PRKACB: variants seen among roughly 807,000 people sequenced by gnomAD.
The protein encoded by PRKACB is protein kinase cAMP-activated catalytic subunit beta, also known as cAMP-dependent protein kinase catalytic subunit beta.
PRKACB carries 16 observed loss-of-function variants against 51.4 expected under a neutral mutation model. The ratio of observed to expected loss-of-function variants is 0.31; its 90% CI spans 0.21 to 0.47. The LOEUF (loss-of-function observed/expected upper bound fraction) is 0.47. PRKACB is among the 20% of genes least tolerant of loss of function. The pLI is 1.00. For missense variants in PRKACB, 309 were observed against 464.5 expected, an observed-to-expected ratio of 0.67 and a Z score of 3.08; for synonymous variants, 147 against 154.4, an observed-to-expected ratio of 0.95 and a Z score of 0.35.
At chr1:84,092,706 C>A (rs1648579404) in intron 1 of PRKACB, among the ~76,000 whole-genome samples, 1 of 152,106 alleles carries the variant, frequency 6.6e-6, no homozygotes. Context: ...TTCTAACCAG[C>A]AGTGCTTAGG....
chr1:84,164,837 G>C, intron 1 of PRKACB: 35 of 1,384,904 alleles, frequency 2.5e-5, no homozygotes, highest in Non-Finnish European at 3.2e-5. Flanking sequence ...TTTGCTTCTA[G>C]GGGCTTCTCT....
chr1:84,197,690 G>A, intron 6 of PRKACB, 39 bp from the exon 7 acceptor site: 2 of 1,332,890 alleles, frequency 1.5e-6, no homozygotes, highest in Non-Finnish European at 2.1e-6. Context: ...TTATTGTGAG[G>A]TAATACATTT....
In PRKACB at chr1:84,078,254, A is replaced by G. The variant is rs1341683094; in HGVS notation, c.-72A>G. 2.6e-6 allele frequency: 4 copies of G among 1,541,328 alleles called. No individual in the cohort carries two copies. In the African/African-American group the frequency reaches 4.1e-5, roughly 16 times the overall value. ...CGGGTGCAGACGCGGGAGTTGTCCC[A>G]GACTGTGGAGTGGCGGGCACGGCCC... On this transcript the variant is annotated 5_prime_UTR_variant, in exon 1 of 9. Transcript: ENST00000370688.
chr1:84,173,297 T>C (rs1408590795), intron 1 of PRKACB: 2 of 1,537,582 alleles, frequency 1.3e-6, no homozygotes, highest in Admixed American at 1.9e-5. Context: ...TTTTATGTGT[T>C]ATTTAATCTC....
intron 9 of PRKACB, among the ~76,000 whole-genome samples, chr1:84,222,529 T>C (rs1673892222): frequency 6.6e-6 from 1 of 152,126 alleles, no homozygotes; most frequent in South Asian, 2.1e-4. Context: ...ATCATTATAG[T>C]TTGGTGGTTT....
At chr1:84,188,875 C>T (rs754658671) in intron 5 of PRKACB, among the ~76,000 whole-genome samples, 11 of 151,770 alleles carry the variant, frequency 7.2e-5, no homozygotes, top group East Asian at 5.8e-4. Context: ...TTGGTCAAAA[C>T]GGAGTAACAG....
At position 84,179,086 on chromosome 1, in the gene PRKACB, T is replaced by A. The variant is rs557856341; in HGVS notation, c.188-91T>A. ...TCACAATAGATGACATGTCTTTTTT[T>A]AAGTGAGAAAACCATATGCAATATA... On this transcript the variant is annotated intron_variant, in intron 1 of 9. Transcript: ENST00000370685. 1.3e-4 allele frequency: 170 copies of A among 1,359,856 alleles called. No homozygotes were observed. In the East Asian group the frequency reaches 4.4e-3, roughly 35 times the overall value. The allele number at this position is 1,359,856 out of a possible 1,614,324, so 84.2% of individuals were successfully genotyped here.
intron 1 of PRKACB, among the ~76,000 whole-genome samples, chr1:84,119,837 A>G (rs1283857584): frequency 6.6e-6 from 1 of 152,214 alleles, no homozygotes; most frequent in Middle Eastern, 3.4e-3. Context: ...CCACTGCAGC[A>G]TATAAGTGTA....
At chr1:84,210,929 C>T (rs1672033636) in intron 8 of PRKACB, among the ~76,000 whole-genome samples, 1 of 152,096 alleles carries the variant, frequency 6.6e-6, no homozygotes, top group Admixed American at 6.6e-5. Flanking sequence ...CAATGACTTT[C>T]ATTATTTCTC....
At chr1:84,117,781 A>G (rs1283423599) in intron 1 of PRKACB, among the ~76,000 whole-genome samples, 1 of 152,058 alleles carries the variant, frequency 6.6e-6, no homozygotes, top group African/African-American at 2.4e-5. Context: ...TAAAGCCTCT[A>G]TTTCATTTAA....
intron 1 of PRKACB, among the ~76,000 whole-genome samples, chr1:84,082,287 C>T (rs985415242): frequency 2.0e-5 from 3 of 152,172 alleles, no homozygotes; most frequent in Non-Finnish European, 4.4e-5. Context: ...CTAAGACACA[C>T]AGAATAGCTT....
At chr1:84,147,310 C>T (rs1484451393) in intron 1 of PRKACB, among the ~76,000 whole-genome samples, 1 of 151,958 alleles carries the variant, frequency 6.6e-6, no homozygotes, top group Admixed American at 6.6e-5. Context: ...CAGTAGACCA[C>T]TTCAGTCAGT....
At chr1:84,112,003 T>A (rs369272545) in intron 1 of PRKACB, among the ~76,000 whole-genome samples, 1 of 152,154 alleles carries the variant, frequency 6.6e-6, no homozygotes, top group African/African-American at 2.4e-5. Flanking sequence ...TAATTACAAC[T>A]GTGTACTTCA....
At chr1:84,177,236 G>A (rs1661606283) in intron 1 of PRKACB, among the ~76,000 whole-genome samples, 1 of 151,884 alleles carries the variant, frequency 6.6e-6, no homozygotes, top group African/African-American at 2.4e-5. Flanking sequence ...ATCACAAGTT[G>A]TTTTTTCTTA....
intron 1 of PRKACB, among the ~76,000 whole-genome samples, chr1:84,146,611 T>G (rs1654124053): frequency 6.6e-6 from 1 of 152,008 alleles, no homozygotes; most frequent in South Asian, 2.1e-4. Context: ...CAAGGGAATG[T>G]AATGTCTCCT....
At chr1:84,198,953 ATATT>A (rs1398780892) in intron 7 of PRKACB, among the ~76,000 whole-genome samples, 10 of 147,192 alleles carry the variant, frequency 6.8e-5, no homozygotes, top group African/African-American at 2.5e-4. Context: ...ATATACATAT[ATATT>A]CATATATATG....
chr1:84,174,103 A>G (rs1210903379), intron 1 of PRKACB, among the ~76,000 whole-genome samples: 1 of 151,808 alleles, frequency 6.6e-6, no homozygotes, highest in African/African-American at 2.4e-5. Context: ...TGCGTTGAAA[A>G]GCATCACTAT....
upstream of PRKACB, chr1:84,144,144 T>C: frequency 1.1e-6 from 1 of 900,746 alleles, no homozygotes. Context: ...ATATTGCAAG[T>C]TTTTAAAATC....
chr1:84,198,167 A>C (rs990422561), intron 7 of PRKACB, among the ~76,000 whole-genome samples: 5 of 152,148 alleles, frequency 3.3e-5, no homozygotes, highest in African/African-American at 4.8e-5. Context: ...GTAAATCTAG[A>C]GATGATATGT....
Sources: allele counts gnomAD v4.1 joint callset (sites outside exome capture counted in the v4.1 genomes callset), GRCh38; gene constraint gnomAD v4.1.1; transcripts MANE v1.5; gene names NCBI Gene and HGNC (gene_info 2026-07-23, HGNC 2026-07-21).